RAD51B: variants seen among roughly 807,000 people sequenced by gnomAD.
RAD51B encodes DNA repair protein RAD51 homolog 2.
Under a neutral mutation model 42.2 loss-of-function variants are expected in RAD51B, and 38 were observed. The observed-to-expected ratio is 0.90, with a 90% confidence interval of 0.70 to 1.18. The LOEUF (loss-of-function observed/expected upper bound fraction) is 1.18. RAD51B is among the 50% of genes most tolerant of loss of function. The pLI is 0.00. For missense variants in RAD51B, 373 were observed against 400.7 expected (o/e 0.93, Z 0.59); for synonymous variants, 154 against 145.2 (o/e 1.06, Z -0.43).
intron 7 of RAD51B, among the ~76,000 whole-genome samples, chr14:68,163,584 G>A (rs768984144): frequency 6.6e-6 from 1 of 151,750 alleles, no homozygotes. Context: ...CTCTCTTTCC[G>A]CTCCCATATT....
intron 8 of RAD51B, among the ~76,000 whole-genome samples, chr14:68,354,286 G>A (rs573547852): frequency 7.0e-6 from 1 of 142,180 alleles, no homozygotes; most frequent in Admixed American, 7.2e-5. Flanking sequence ...GCACGATTTC[G>A]GCTCACGGCA....
intron 9 of RAD51B, among the ~76,000 whole-genome samples, chr14:68,443,841 T>TAA (rs200083707): frequency 3.5e-5 from 5 of 143,762 alleles, no homozygotes; most frequent in Non-Finnish European, 6.1e-5. Context: ...AATTTGTGTT[T>TAA]AAAAAAAAAA....
chr14:68,033,295 A>G (rs1410868057), intron 7 of RAD51B, among the ~76,000 whole-genome samples: 1 of 152,256 alleles, frequency 6.6e-6, no homozygotes, highest in Non-Finnish European at 1.5e-5. Flanking sequence ...CTTTAAACAT[A>G]AGTAAATGTG....
At chr14:68,164,091 A>G (rs181895728) in intron 7 of RAD51B, among the ~76,000 whole-genome samples, 113 of 152,250 alleles carry the variant, frequency 7.4e-4, no homozygotes, top group Middle Eastern at 6.8e-3. Flanking sequence ...GGTATTCCCA[A>G]TTTTACAGAG....
chr14:67,892,223 C>T (rs2043240480), intron 7 of RAD51B, among the ~76,000 whole-genome samples: 1 of 152,168 alleles, frequency 6.6e-6, no homozygotes, highest in Non-Finnish European at 1.5e-5. Context: ...TATGTTCATT[C>T]AGGTCCCTGA....
intron 5 of RAD51B, among the ~76,000 whole-genome samples, chr14:67,878,366 C>T (rs533413207): frequency 6.6e-6 from 1 of 152,164 alleles, no homozygotes; most frequent in Admixed American, 6.5e-5. Flanking sequence ...CCTAGAAATA[C>T]ACTTTGTCCA....
chr14:68,192,519 T>C (rs938664370), intron 7 of RAD51B, among the ~76,000 whole-genome samples: 2 of 152,184 alleles, frequency 1.3e-5, no homozygotes, highest in African/African-American at 2.4e-5. Flanking sequence ...AACAATGTCT[T>C]TTAATTGGTG....
At chr14:68,382,799 G>C (rs1010228097) in intron 8 of RAD51B, among the ~76,000 whole-genome samples, 7 of 152,166 alleles carry the variant, frequency 4.6e-5, no homozygotes, top group Non-Finnish European at 8.8e-5. Context: ...TATGTTGATA[G>C]TTTCCTGGGA....
chr14:68,104,947 T>C (rs2077351919), intron 7 of RAD51B, among the ~76,000 whole-genome samples: 1 of 152,162 alleles, frequency 6.6e-6, no homozygotes, highest in Non-Finnish European at 1.5e-5. Context: ...TATACTTTAC[T>C]AGTTTTCTTA....
intron 8 of RAD51B, among the ~76,000 whole-genome samples, chr14:68,374,441 T>C (rs1261939457): frequency 6.6e-6 from 1 of 152,234 alleles, no homozygotes; most frequent in African/African-American, 2.4e-5. Flanking sequence ...TTTGCTCTTC[T>C]CAGAGCTATA....
At chr14:68,509,682 C>G (rs1404069729) in intron 10 of RAD51B, among the ~76,000 whole-genome samples, 1 of 152,230 alleles carries the variant, frequency 6.6e-6, no homozygotes. Context: ...TAGGATAGTT[C>G]TCTAGCTCAG....
chr14:68,423,050 C>A (rs1566874698), intron 9 of RAD51B, among the ~76,000 whole-genome samples: 1 of 152,190 alleles, frequency 6.6e-6, no homozygotes, highest in East Asian at 1.9e-4. Context: ...GTGTGCTTGA[C>A]TGTTGGACAT....
chr14:68,470,859 A>C (rs1013965660), intron 10 of RAD51B: 10 of 366,586 alleles, frequency 2.7e-5, no homozygotes, highest in Non-Finnish European at 5.1e-5. Context: ...CGATCCTCCT[A>C]GGAGAGGATG....
intron 7 of RAD51B, among the ~76,000 whole-genome samples, chr14:67,979,642 A>C (rs2075055359): frequency 6.6e-6 from 1 of 152,168 alleles, no homozygotes; most frequent in African/African-American, 2.4e-5. Flanking sequence ...TAGTAATCCC[A>C]TCTGGCCCCA....
At chr14:68,367,537 T>G (rs554172746) in intron 8 of RAD51B, among the ~76,000 whole-genome samples, 72 of 152,224 alleles carry the variant, frequency 4.7e-4, no homozygotes, top group Non-Finnish European at 9.3e-4. Flanking sequence ...AAAGGCAGGT[T>G]CATGAGGATT....
chr14:67,904,432 A>G lies in RAD51B; in HGVS notation c.756+17228A>G, dbSNP rs560168708. The stretch of plus-strand genomic sequence containing the variant: ...ATCTATTATTTTTTGAGTTTTTAAT[A>G]ATAGCTATTCTGACTGGTGTGAGAT... On this transcript the variant is annotated intron_variant, in intron 7 of 10. Transcript: ENST00000471583. Among the ~76,000 whole-genome samples, 5 of 151,984 alleles carry G rather than the reference A, an allele frequency of 3.3e-5. No individual in the cohort carries two copies. The South Asian group carries it at 8.3e-4, about 25-fold the overall frequency.
chr14:68,200,191 T>A (rs893285716), intron 7 of RAD51B, among the ~76,000 whole-genome samples: 5 of 152,192 alleles, frequency 3.3e-5, no homozygotes, highest in African/African-American at 1.2e-4. Context: ...TAGTTTTTTT[T>A]AATCATTTCT....
rs528168342 is a variant in RAD51B, at chr14:68,059,630, C to A, written c.756+172426C>A. Among the ~76,000 whole-genome samples, 28 of 152,296 alleles carry A rather than the reference C, an allele frequency of 1.8e-4. 1 individual carries two copies. In the South Asian group the frequency reaches 5.8e-3, roughly 32 times the overall value. On this transcript the variant is annotated intron_variant, in intron 7 of 10. Transcript: ENST00000471583. ...AAACTTAGGTCATATACGACTCCTT[C>A]CATGACATCCTGTTTCCCTGGCCAA...
At chr14:67,913,615 T>C (rs2044057556) in intron 7 of RAD51B, among the ~76,000 whole-genome samples, 1 of 152,156 alleles carries the variant, frequency 6.6e-6, no homozygotes, top group African/African-American at 2.4e-5. Context: ...AATAATGTCT[T>C]TAATGAATCA....
Sources: gnomAD v4.1 joint callset for allele counts (sites outside exome capture counted in the v4.1 genomes callset) on GRCh38, gnomAD v4.1.1 for gene constraint, MANE v1.5 for transcripts, NCBI Gene and HGNC (gene_info 2026-07-23, HGNC 2026-07-21) for gene names.